The following CASP6 variants were observed in gnomAD, a reference collection of about 807,000 sequenced individuals.
CASP6 encodes the protein caspase 6.
A neutral mutation model predicts 31.8 loss-of-function variants in CASP6; 20 were observed. The ratio of observed to expected loss-of-function variants is 0.63; its 90% CI spans 0.44 to 0.91. The LOEUF (loss-of-function observed/expected upper bound fraction) is 0.91. Among genes scored for constraint, CASP6 ranks in the 40% least tolerant of loss-of-function variants. The probability of loss-of-function intolerance (pLI) is 0.00; values close to 1 mark genes in which losing one functional copy is unlikely to be tolerated. For missense variants in CASP6, 328 were observed against 361.1 expected (o/e 0.91, Z 0.74); for synonymous variants, 130 against 127.8 (o/e 1.02, Z -0.12).
downstream of CASP6, chr4:109,684,669 G>T (rs1376824679): frequency 8.7e-7 from 1 of 1,143,120 alleles, no homozygotes; most frequent in South Asian, 1.3e-5. Flanking sequence ...TTAGGAAAAT[G>T]GTAAGTTAGA....
chr4:109,709,601 A>G, the CASP6 span, among the ~76,000 whole-genome samples: 1 of 152,182 alleles, frequency 6.6e-6, no homozygotes, highest in Non-Finnish European at 1.5e-5. Context: ...ATGTGCCAAA[A>G]GATTTTAAGG....
At chr4:109,678,200 C>A in the CASP6 span, among the ~76,000 whole-genome samples, 6 of 152,050 alleles carry the variant, frequency 3.9e-5, no homozygotes, top group East Asian at 1.2e-3. Flanking sequence ...AAAATGGAGT[C>A]TCCTATGTCT....
At chr4:109,687,403 A>T, downstream of CASP6, 1 of 698,964 alleles carries the variant, frequency 1.4e-6, no homozygotes, top group Non-Finnish European at 2.5e-6. Flanking sequence ...CTAATAGTTT[A>T]AACATTTTAT....
At chr4:109,696,708 A>C (rs1277301318) in intron 3 of CASP6, among the ~76,000 whole-genome samples, 1 of 152,100 alleles carries the variant, frequency 6.6e-6, no homozygotes, top group East Asian at 1.9e-4. Flanking sequence ...GTTGTCTACT[A>C]TGCAAATGTT....
chr4:109,680,915 G>T, the CASP6 span, among the ~76,000 whole-genome samples: 3 of 152,172 alleles, frequency 2.0e-5, no homozygotes, highest in Admixed American at 2.0e-4. Flanking sequence ...CAATCTGAGG[G>T]ACTTCTCATA....
At chr4:109,679,078 C>T in the CASP6 span, among the ~76,000 whole-genome samples, 143 of 150,128 alleles carry the variant, frequency 9.5e-4, no homozygotes, top group Admixed American at 2.1e-3. Context: ...GCGCTCCTCA[C>T]TTCCCATTAG....
chr4:109,706,882 G>A (rs1328343814), upstream of CASP6, among the ~76,000 whole-genome samples: 1 of 152,172 alleles, frequency 6.6e-6, no homozygotes, highest in African/African-American at 2.4e-5. Context: ...ACTCCAGCCT[G>A]AGTGACAGAA....
downstream of CASP6, chr4:109,684,853 G>A (rs1729801084): frequency 4.2e-6 from 2 of 479,790 alleles, no homozygotes; most frequent in African/African-American, 2.0e-5. Context: ...GAAGTAATTA[G>A]TGTAACACAC....
the CASP6 span, among the ~76,000 whole-genome samples, chr4:109,675,279 C>T: frequency 6.6e-6 from 1 of 152,230 alleles, no homozygotes; most frequent in African/African-American, 2.4e-5. Flanking sequence ...TTTCGTGCCA[C>T]TTGACAAAGA....
At chr4:109,703,133 G>C (rs1168442923) in intron 1 of CASP6, among the ~76,000 whole-genome samples, 2 of 152,130 alleles carry the variant, frequency 1.3e-5, no homozygotes, top group African/African-American at 4.8e-5. Context: ...GCCAGGAGGC[G>C]GCAGCCAGGT....
the CASP6 span, among the ~76,000 whole-genome samples, chr4:109,682,311 AT>A: frequency 7.8e-6 from 1 of 128,656 alleles, no homozygotes; most frequent in Non-Finnish European, 1.6e-5. Context: ...TGCCAAAGTC[AT>A]TTTTTTGGTG....
At chr4:109,685,613 AT>A (rs1195086959), downstream of CASP6, among the ~76,000 whole-genome samples, 1 of 152,244 alleles carries the variant, frequency 6.6e-6, no homozygotes, top group African/African-American at 2.4e-5. Flanking sequence ...AGATAGTAAA[AT>A]AAAAGTTTTC....
At chr4:109,706,001 A>AAAAT (rs1730596189), upstream of CASP6, among the ~76,000 whole-genome samples, 1 of 31,674 alleles carries the variant, frequency 3.2e-5, no homozygotes, top group Non-Finnish European at 5.7e-5. Context: ...AAAAAAAAAA[A>AAAAT]ATATATATAT....
At chr4:109,703,138 C>G (rs1730479206) in intron 1 of CASP6, among the ~76,000 whole-genome samples, 1 of 152,174 alleles carries the variant, frequency 6.6e-6, no homozygotes, top group South Asian at 2.1e-4. Context: ...GAGGCGGCAG[C>G]CAGGTCCCCG....
rs374800063 is a variant in CASP6, at chr4:109,698,312, G to T, written c.71C>A (p.Ala24Asp). 1.5e-5 allele frequency: 24 copies of T among 1,610,728 alleles called. No individual in the cohort carries two copies. Among genetic ancestry groups the T allele is most frequent in the Middle Eastern group, 1.6e-4 (1 of 6,082 alleles). ...GGEENMTETD[A>D]FYKREMFDPA... is the part of the protein sequence containing the mutation. ...AGCACAGCTTTACCTTTTATAGAAGGCATCTGTTTCTGTCATGTTTTCTTC... is the reference window on the plus strand; with the variant it reads ...AGCACAGCTTTACCTTTTATAGAAGTCATCTGTTTCTGTCATGTTTTCTTC... The change falls in exon 2 of 7, where the codon GCC becomes GAC. Residue 24 changes from alanine (A) to aspartate (D), a missense_variant. Physicochemically the swap from Ala to Asp is moderately radical, Grantham distance 126 (BLOSUM62 -2). Transcript: ENST00000265164.
downstream of CASP6, chr4:109,684,340 G>T (rs1294339977): frequency 1.2e-5 from 10 of 840,830 alleles, no homozygotes; most frequent in Non-Finnish European, 1.8e-5. Flanking sequence ...GAGATTACAG[G>T]CGTGAGCCAC....
chr4:109,690,916 C>G lies in CASP6; in HGVS notation c.577G>C (p.Asp193His). The G allele has an allele frequency of 6.2e-7, 1 of 1,613,560 alleles. No homozygotes were observed. The highest frequency in any genetic ancestry group is 8.5e-7 in the Non-Finnish European group (1 of 1,179,724). The change falls in exon 6 of 7, where the codon GAT becomes CAT. Residue 193 changes from aspartate to histidine, a missense_variant. Asp to His is a moderately conservative substitution (Grantham distance 81). Coordinates refer to ENST00000265164, the MANE Select transcript of CASP6 (RefSeq NM_001226.4). ...GGCAGCGTGTAAACGGAGGCTGCAT[C>G]CACCTCAGTTATGTTGGTGTCCAAC... is the stretch of plus-strand genomic sequence containing the variant. Reference protein sequence around the residue: ...EKLDTNITEVDAASVYTLPAG... With the variant: ...EKLDTNITEVHAASVYTLPAG...
At chr4:109,678,243 ATC>A in the CASP6 span, among the ~76,000 whole-genome samples, 1 of 151,646 alleles carries the variant, frequency 6.6e-6, no homozygotes. Context: ...TAACAATCTG[ATC>A]TCTCTTTCTT....
At chr4:109,704,345 T>G (rs1020082863), upstream of CASP6, among the ~76,000 whole-genome samples, 1 of 152,074 alleles carries the variant, frequency 6.6e-6, no homozygotes, top group Non-Finnish European at 1.5e-5. Flanking sequence ...AGGAAAAAAT[T>G]TTGAAGGAAA....
Sources: gnomAD v4.1 joint callset for allele counts (sites outside exome capture counted in the v4.1 genomes callset) on GRCh38, gnomAD v4.1.1 for gene constraint, MANE v1.5 for transcripts, NCBI Gene and HGNC (gene_info 2026-07-23, HGNC 2026-07-21) for gene names.